The following EMP1 variants were observed in gnomAD, a reference collection of about 807,000 sequenced individuals.
EMP1 encodes epithelial membrane protein 1.
EMP1 carries 5 observed loss-of-function variants against 15.7 expected under a neutral mutation model. The observed-to-expected ratio is 0.32, with a 90% CI of 0.17 to 0.67. The LOEUF is 0.67. EMP1 is among the 30% of genes least tolerant of loss of function. EMP1 has a pLI of 0.74. For missense variants in EMP1, 166 were observed against 194.2 expected, an observed-to-expected ratio of 0.85 and a Z score of 0.86; for synonymous variants, 78 against 76.7, an observed-to-expected ratio of 1.02 and a Z score of -0.09.
chr12:13,200,616 C>G (rs775017221), intron 1 of EMP1, among the ~76,000 whole-genome samples: 1 of 152,262 alleles, frequency 6.6e-6, no homozygotes, highest in African/African-American at 2.4e-5. Context: ...GACATACACA[C>G]GTCCTGAGAC....
rs13519 is a variant in EMP1, at chr12:13,217,548, C to T, written c.*2857C>T. 0.6 allele frequency: 90,894 copies of T among 151,996 alleles called. 28,993 individuals are homozygous for T. Among genetic ancestry groups the T allele is most frequent in the Non-Finnish European group, 0.7 (47,855 of 67,990 alleles). 9.4% of individuals were successfully genotyped at this position (151,996 alleles called of 1,614,324 possible). ...TGATAAACTATCATAAGGGGTCCAC[C>T]TCCCCTCATTTAGCTCCCCCAGGGA... On this transcript the variant is annotated 3_prime_UTR_variant, in exon 5 of 5. Transcript: ENST00000256951.
In EMP1 at chr12:13,216,292, A is replaced by C. The variant is rs959292505; in HGVS notation, c.*1601A>C. ...TCTTTTATACCTTTCCTTTTTGGGGAGTTGTTATGCCATGATTTTTGGTAT... is the reference window on the plus strand; with the variant it reads ...TCTTTTATACCTTTCCTTTTTGGGGCGTTGTTATGCCATGATTTTTGGTAT... On this transcript the variant is annotated 3_prime_UTR_variant, in exon 5 of 5. Transcript: ENST00000256951. 1 of 671,376 alleles carries C rather than the reference A, an allele frequency of 1.5e-6. No individual in the cohort carries two copies. The highest frequency in any genetic ancestry group is 2.7e-6 in the Non-Finnish European group (1 of 372,034). The allele number at this position is 671,376 out of a possible 1,614,324, so 41.6% of individuals were successfully genotyped here.
chr12:13,204,297 G>C (rs1002148568), intron 1 of EMP1, among the ~76,000 whole-genome samples: 2 of 151,996 alleles, frequency 1.3e-5, no homozygotes, highest in African/African-American at 4.8e-5. Context: ...TATTGAGAAT[G>C]GAAAAGTACA....
rs749283599 is a variant in EMP1, at chr12:13,196,758, T to C, written c.-157T>C. Reference sequence around the variant, plus strand: ...CCAGTACACCAGCAGAGGAAACTTATAACCTCGGGAGGCAGGTCCTTCCCC... The same window carrying C: ...CCAGTACACCAGCAGAGGAAACTTACAACCTCGGGAGGCAGGTCCTTCCCC... On this transcript the variant is annotated 5_prime_UTR_variant, in exon 1 of 5. Coordinates refer to ENST00000256951, the MANE Select transcript of EMP1 (RefSeq NM_001423.3). 1.3e-5 allele frequency: 2 copies of C among 152,134 alleles called. No individual in the cohort carries two copies. The highest frequency in any genetic ancestry group is 2.9e-5 in the Non-Finnish European group (2 of 68,102). The allele number at this position is 152,134 out of a possible 1,614,324, so 9.4% of individuals were successfully genotyped here.
rs929507832 is a variant in EMP1, at chr12:13,219,250, A to G, written c.*4559A>G. ...ACTAGCATAAGATGTCAATATGTCT[A>G]TCCATATGTCAGGTCCATACTCAAC... On this transcript the variant is annotated 3_prime_UTR_variant, in exon 5 of 5. Coordinates refer to ENST00000256951, the MANE Select transcript of EMP1 (RefSeq NM_001423.3). The G allele has an allele frequency of 1.3e-5, 2 of 152,222 alleles. No individual in the cohort carries two copies. The highest frequency in any genetic ancestry group is 2.9e-5 in the Non-Finnish European group (2 of 68,050). 9.4% of individuals were successfully genotyped at this position (152,222 alleles called of 1,614,324 possible). A position where few individuals can be genotyped will look rare whatever the true frequency, so the allele number is the denominator to read the frequency against.
rs1230432142 is a variant in EMP1 at position 13,218,599 on chromosome 12, T to C, written c.*3908T>C. The stretch of plus-strand genomic sequence containing the variant: ...CACGATTTTCAGAGCACAAAACAGA[T>C]AAGGAAAGATGTATGCTGATTGTGT... On this transcript the variant is annotated 3_prime_UTR_variant, in exon 5 of 5. Coordinates refer to ENST00000256951, the MANE Select transcript of EMP1 (RefSeq NM_001423.3). 2.0e-5 allele frequency: 3 copies of C among 152,022 alleles called. No individual in the cohort carries two copies. The highest frequency in any genetic ancestry group is 7.3e-5 in the African/African-American group (3 of 41,366). 9.4% of individuals were successfully genotyped at this position (152,022 alleles called of 1,614,324 possible). A position where few individuals can be genotyped will look rare whatever the true frequency, so the allele number is the denominator to read the frequency against.
intron 1 of EMP1, among the ~76,000 whole-genome samples, chr12:13,206,961 G>A (rs1414299002): frequency 7.1e-6 from 1 of 140,262 alleles, no homozygotes; most frequent in Non-Finnish European, 1.6e-5. Context: ...GTGTGTGTGT[G>A]TGGTGTGTAA....
At chr12:13,199,956 T>G (rs1192069912) in intron 1 of EMP1, among the ~76,000 whole-genome samples, 6 of 143,462 alleles carry the variant, frequency 4.2e-5, no homozygotes, top group Non-Finnish European at 1.5e-5. Context: ...CTTCTTCTTC[T>G]TCTTCTTCTT....
intron 1 of EMP1, among the ~76,000 whole-genome samples, chr12:13,205,495 A>T (rs1565578036): frequency 7.6e-6 from 1 of 131,920 alleles, no homozygotes; most frequent in African/African-American, 2.6e-5. Context: ...TATGTATGTT[A>T]AAAAAAAAAG....
chr12:13,216,354 T>C lies in EMP1; in HGVS notation c.*1663T>C, dbSNP rs557859362. On this transcript the variant is annotated 3_prime_UTR_variant, in exon 5 of 5. Coordinates refer to ENST00000256951, the MANE Select transcript of EMP1 (RefSeq NM_001423.3). ...GATTATTACTAATTCTATTTCTCTA[T>C]GTTTATTCTAGTTAAGGAAATGTTG... The C allele has an allele frequency of 1.6e-4, 115 of 701,670 alleles. No individual in the cohort carries two copies. The highest frequency in any genetic ancestry group is 2.8e-4 in the Non-Finnish European group (108 of 384,582). The allele number at this position is 701,670 out of a possible 1,614,324, so 43.5% of individuals were successfully genotyped here.
chr12:13,200,684 A>G (rs1463932423), intron 1 of EMP1, among the ~76,000 whole-genome samples: 1 of 152,132 alleles, frequency 6.6e-6, no homozygotes, highest in Non-Finnish European at 1.5e-5. Context: ...ATTTCCTTCA[A>G]TTTACCTGGG....
Position 13,211,742 on chromosome 12 carries a change from CA to C in EMP1, c.78+156del. 1.3e-6 allele frequency: 1 copy of C among 751,300 alleles called. No individual in the cohort carries two copies. Among genetic ancestry groups the C allele is most frequent in the Non-Finnish European group, 2.2e-6 (1 of 455,586 alleles). 46.5% of individuals were successfully genotyped at this position (751,300 alleles called of 1,614,324 possible). On this transcript the variant is annotated intron_variant, in intron 2 of 4. Transcript: ENST00000256951. The surrounding 1 kb of genome is among the most constrained non-coding windows in gnomAD (Gnocchi z 4.7). ...AATAAACACACGCTTGCCCTTCAAA[CA>C]ATTAAATAACAGGAGGATAAAAGTG...
At chr12:13,213,660 C>G (rs1591710493) in intron 3 of EMP1, 21 bp from the exon 4 acceptor site, 2 of 1,613,910 alleles carry the variant, frequency 1.2e-6, no homozygotes, top group East Asian at 4.5e-5. Context: ...TGCCCTTGTT[C>G]TCCTCGTCCT....
At chr12:13,210,997 T>G (rs2121158542) in intron 1 of EMP1, among the ~76,000 whole-genome samples, 1 of 152,348 alleles carries the variant, frequency 6.6e-6, no homozygotes, top group East Asian at 1.9e-4. Flanking sequence ...AGGCATTTAC[T>G]TCTATTAAAA....
At chr12:13,206,953 GT>G (rs1864115463) in intron 1 of EMP1, among the ~76,000 whole-genome samples, 1 of 151,552 alleles carries the variant, frequency 6.6e-6, no homozygotes, top group South Asian at 2.1e-4. Flanking sequence ...GTGTGTGTGT[GT>G]GTGTGTGTGG....
At position 13,211,398 on chromosome 12, in the gene EMP1, C is replaced by T. The variant is rs1053278914; in HGVS notation, c.-42-71C>T. The stretch of plus-strand genomic sequence containing the variant: ...TCCTCATGTTAGCAGATAGCCCACA[C>T]GTGTGGGAAAGCTGAGTCGTCTTAT... On this transcript the variant is annotated intron_variant, in intron 1 of 4. Transcript: ENST00000256951. This position sits in a 1 kb window ranked among gnomAD's most constrained non-coding sequence, Gnocchi z 4.7. 47 of 1,017,622 alleles carry T rather than the reference C, an allele frequency of 4.6e-5. No homozygotes were observed. The Middle Eastern group carries it at 6.1e-4, about 13-fold the overall frequency. 63.0% of individuals were successfully genotyped at this position (1,017,622 alleles called of 1,614,324 possible).
rs1178893271 is a variant in EMP1, at chr12:13,217,582, C to A, written c.*2891C>A. ...TTTAGCTCCCCCAGGGATTTCTTTT[C>A]CCCCATGTCATACACCCAGTCCTAA... On this transcript the variant is annotated 3_prime_UTR_variant, in exon 5 of 5. Transcript: ENST00000256951. The A allele has an allele frequency of 1.3e-5, 2 of 152,122 alleles. No homozygotes were observed. The highest frequency in any genetic ancestry group is 3.9e-4 in the East Asian group (2 of 5,188). The allele number at this position is 152,122 out of a possible 1,614,324, so 9.4% of individuals were successfully genotyped here. A position where few individuals can be genotyped will look rare whatever the true frequency, so the allele number is the denominator to read the frequency against.
intron 2 of EMP1, among the ~76,000 whole-genome samples, chr12:13,212,337 A>T (rs1271418748): frequency 1.3e-5 from 2 of 152,166 alleles, no homozygotes; most frequent in Non-Finnish European, 2.9e-5. Flanking sequence ...AGCTCCTTGG[A>T]CCTAAAAACC....
chr12:13,200,129 A>G (rs1273130338), intron 1 of EMP1, among the ~76,000 whole-genome samples: 2 of 152,150 alleles, frequency 1.3e-5, no homozygotes, highest in Admixed American at 1.3e-4. Context: ...ATGTATGTAC[A>G]TAGCTGCCTA....
Sources: gnomAD v4.1 joint callset for allele counts (sites outside exome capture counted in the v4.1 genomes callset) on GRCh38, gnomAD v4.1.1 for gene constraint, Gnocchi (gnomAD v3.1) non-coding constraint, MANE v1.5 for transcripts, NCBI Gene and HGNC (gene_info 2026-07-23, HGNC 2026-07-21) for gene names.